Variants in SLC30A7 observed in about 807,000 individuals in gnomAD.
The protein encoded by SLC30A7 is solute carrier family 30 member 7, also known as zinc transporter 7.
In SLC30A7, 35 loss-of-function variants were observed where a neutral mutation model predicts 46.0. That is an observed-to-expected ratio of 0.76 (90% CI 0.58 to 1.01). SLC30A7 has a LOEUF of 1.01. Among genes scored for constraint, SLC30A7 ranks in the 50% least tolerant of loss-of-function variants. The pLI, the probability that SLC30A7 is intolerant of heterozygous loss-of-function variation, is 0.00. For synonymous variants in SLC30A7, 147 were observed against 157.8 expected (o/e 0.93, Z 0.51); for missense variants, 464 against 451.1 (o/e 1.03, Z -0.26).
At chr1:100,915,245 CTTTCTTT>C (rs1557981478) in intron 6 of SLC30A7, among the ~76,000 whole-genome samples, 1 of 93,122 alleles carries the variant, frequency 1.1e-5, no homozygotes, top group Non-Finnish European at 2.3e-5. Context: ...TTCTTTCTTT[CTTTCTTT>C]CTTCCTTTCT....
chr1:100,953,067 A>AT (rs34481562), intron 8 of SLC30A7, among the ~76,000 whole-genome samples: 12,317 of 152,052 alleles, frequency 0.081, 663 homozygotes, highest in Middle Eastern at 0.19. Flanking sequence ...AGATCTGATG[A>AT]TTTAAAAGTG....
intron 8 of SLC30A7, among the ~76,000 whole-genome samples, chr1:100,936,440 A>T (rs1471739038): frequency 2.0e-5 from 3 of 150,348 alleles, no homozygotes; most frequent in African/African-American, 4.9e-5. Context: ...TAATTTGAAG[A>T]CTCCTGCCCT....
chr1:100,941,636 A>G (rs1654357061), intron 8 of SLC30A7: 2 of 600,070 alleles, frequency 3.3e-6, no homozygotes, highest in Non-Finnish European at 6.3e-6. Flanking sequence ...GCCAGCAACA[A>G]ATATCTTTTT....
chr1:100,918,222 TA>T (rs1157622278), intron 7 of SLC30A7, 95 bp downstream of exon 7: 1 of 1,019,342 alleles, frequency 9.8e-7, no homozygotes, highest in African/African-American at 1.6e-5. Context: ...AAGAAAAATA[TA>T]AAACATAGTG....
the SLC30A7 span, among the ~76,000 whole-genome samples, chr1:100,986,772 A>C: frequency 6.6e-6 from 1 of 152,224 alleles, no homozygotes; most frequent in Admixed American, 6.5e-5. Context: ...AGAGGAATGA[A>C]CTAGAGGGAT....
chr1:100,982,401 A>G (rs184570711), downstream of SLC30A7, among the ~76,000 whole-genome samples: 1 of 152,318 alleles, frequency 6.6e-6, no homozygotes, highest in African/African-American at 2.4e-5. Flanking sequence ...CTTCAAGGCC[A>G]TCAGTGGCTT....
chr1:100,906,514 C>T (rs1403583509), intron 2 of SLC30A7, among the ~76,000 whole-genome samples: 1 of 152,072 alleles, frequency 6.6e-6, no homozygotes, highest in Non-Finnish European at 1.5e-5. Context: ...AGCCTCGTCC[C>T]AGTAGTAGAT....
intron 8 of SLC30A7, among the ~76,000 whole-genome samples, chr1:100,960,303 C>A (rs1375953298): frequency 6.6e-6 from 1 of 152,200 alleles, no homozygotes; most frequent in Non-Finnish European, 1.5e-5. Flanking sequence ...ATTCTTATCA[C>A]TATGCACTTA....
At chr1:100,963,288 G>A (rs1181781211) in intron 9 of SLC30A7, among the ~76,000 whole-genome samples, 1 of 152,176 alleles carries the variant, frequency 6.6e-6, no homozygotes, top group Non-Finnish European at 1.5e-5. Context: ...AAAGGTAGTG[G>A]TTAGTGGTGT....
chr1:100,966,932 G>A (rs923681506), intron 10 of SLC30A7, among the ~76,000 whole-genome samples: 3 of 152,108 alleles, frequency 2.0e-5, no homozygotes, highest in African/African-American at 7.2e-5. Flanking sequence ...TTTCTTAATA[G>A]TGCATTTGGA....
Position 100,978,166 on chromosome 1 carries a change from T to G in SLC30A7, c.*3309T>G, listed in dbSNP as rs1656675145. 1 of 152,384 alleles carries G rather than the reference T, an allele frequency of 6.6e-6. No individual in the cohort carries two copies. The highest frequency in any genetic ancestry group is 2.1e-4 in the South Asian group (1 of 4,832). The allele number at this position is 152,384 out of a possible 1,614,324, so 9.4% of individuals were successfully genotyped here. On this transcript the variant is annotated 3_prime_UTR_variant, in exon 11 of 11. Coordinates refer to ENST00000357650, the MANE Select transcript of SLC30A7 (RefSeq NM_133496.5). The stretch of plus-strand genomic sequence containing the variant: ...ATGCATCTTTGTGAAGGACAGTATC[T>G]AGTTTATCTGTAGGTCAGTGTTCCT...
At chr1:100,948,250 C>G (rs1346579921) in intron 8 of SLC30A7, among the ~76,000 whole-genome samples, 2 of 151,774 alleles carry the variant, frequency 1.3e-5, no homozygotes, top group Non-Finnish European at 2.9e-5. Flanking sequence ...CCCACAGAAT[C>G]TCTCCACATT....
chr1:100,966,548 T>G (rs1460060113), intron 10 of SLC30A7, among the ~76,000 whole-genome samples: 8 of 151,944 alleles, frequency 5.3e-5, no homozygotes. Context: ...TCACGGCCAC[T>G]GCACTCCAGC....
intron 8 of SLC30A7, among the ~76,000 whole-genome samples, chr1:100,960,709 G>GTAGTGAAGCTATTTCTGACCTCCCCT (rs1183618654): frequency 1.3e-5 from 2 of 152,096 alleles, no homozygotes; most frequent in Non-Finnish European, 2.9e-5. Flanking sequence ...GCTATTAAGT[G>GTAGTGAAGCTATTTCTGACCTCCCCT]TAGTGAAGCT....
chr1:100,923,233 G>T (rs1340173283), intron 8 of SLC30A7, among the ~76,000 whole-genome samples: 2 of 106,688 alleles, frequency 1.9e-5, no homozygotes, highest in African/African-American at 3.6e-5. Flanking sequence ...AGCCAGGATG[G>T]TCTCGATCTC....
At chr1:100,906,657 C>T (rs1304832398) in intron 2 of SLC30A7, among the ~76,000 whole-genome samples, 195 bp from the exon 3 acceptor site, 1 of 152,108 alleles carries the variant, frequency 6.6e-6, no homozygotes, top group African/African-American at 2.4e-5. Flanking sequence ...CTGGGCTTTT[C>T]CTTGTGCAGG....
rs1656915921 is a variant in SLC30A7, at chr1:100,981,246, T to G, written c.*6389T>G. 1 of 152,192 alleles carries G rather than the reference T, an allele frequency of 6.6e-6. No homozygotes were observed. The highest frequency in any genetic ancestry group is 2.4e-5 in the African/African-American group (1 of 41,466). 9.4% of individuals were successfully genotyped at this position (152,192 alleles called of 1,614,324 possible). On this transcript the variant is annotated 3_prime_UTR_variant, in exon 11 of 11. Transcript: ENST00000357650. ...GACATCCTGTCAATAGTTTGTCAAGTAACTTCATTGCTTCCTTTGATAGCA... is the reference window on the plus strand; with the variant it reads ...GACATCCTGTCAATAGTTTGTCAAGGAACTTCATTGCTTCCTTTGATAGCA...
At chr1:100,991,821 G>T in the SLC30A7 span, among the ~76,000 whole-genome samples, 1 of 146,372 alleles carries the variant, frequency 6.8e-6, no homozygotes, top group Non-Finnish European at 1.5e-5. Flanking sequence ...AGTGGGCCAG[G>T]CGTGGTGGTT....
At chr1:100,934,123 G>T (rs899654502) in intron 8 of SLC30A7, among the ~76,000 whole-genome samples, 7 of 151,826 alleles carry the variant, frequency 4.6e-5, no homozygotes, top group Non-Finnish European at 7.4e-5. Context: ...GATTCAGCAG[G>T]CTTGACTTGT....
Sources: gnomAD v4.1 joint callset for allele counts (sites outside exome capture counted in the v4.1 genomes callset) on GRCh38, gnomAD v4.1.1 for gene constraint, MANE v1.5 for transcripts, NCBI Gene and HGNC (gene_info 2026-07-23, HGNC 2026-07-21) for gene names.